PTPRO: variants seen among roughly 807,000 people sequenced by gnomAD.
The protein encoded by PTPRO is receptor-type tyrosine-protein phosphatase O.
A neutral mutation model predicts 145.2 loss-of-function variants in PTPRO; 62 were observed. The ratio of observed to expected loss-of-function variants is 0.43; its 90% CI spans 0.35 to 0.53. The LOEUF (loss-of-function observed/expected upper bound fraction) is 0.53. PTPRO is among the 20% of genes least tolerant of loss of function. The probability of loss-of-function intolerance (pLI) is 0.01; values close to 1 mark genes in which losing one functional copy is unlikely to be tolerated. For synonymous variants in PTPRO, 565 were observed against 514.7 expected, an observed-to-expected ratio of 1.10 and a Z score of -1.32; for missense variants, 1,345 against 1,482.7, an observed-to-expected ratio of 0.91 and a Z score of 1.53.
intron 11 of PTPRO, among the ~76,000 whole-genome samples, chr12:15,525,205 T>C (rs1942812594): frequency 6.6e-6 from 1 of 152,216 alleles, no homozygotes; most frequent in Non-Finnish European, 1.5e-5. Flanking sequence ...TTTAGAATTA[T>C]GATTTGAGCT....
At chr12:15,367,234 A>G (rs767366909) in intron 1 of PTPRO, among the ~76,000 whole-genome samples, 1 of 152,236 alleles carries the variant, frequency 6.6e-6, no homozygotes, top group Non-Finnish European at 1.5e-5. Flanking sequence ...GCAAGAATCA[A>G]ATAGCAGTGC....
intron 9 of PTPRO, 81 bp from the exon 10 acceptor site, chr12:15,520,119 AT>A: frequency 1.1e-6 from 1 of 892,146 alleles, no homozygotes; most frequent in Non-Finnish European, 1.9e-6. Flanking sequence ...TTACTTATTA[AT>A]TTTTTATGAA....
chr12:15,342,580 C>T (rs1260855985), intron 1 of PTPRO, among the ~76,000 whole-genome samples: 1 of 152,062 alleles, frequency 6.6e-6, no homozygotes, highest in Non-Finnish European at 1.5e-5. Context: ...CAGTACACAC[C>T]CAATATCAGC....
At chr12:15,439,538 C>T (rs532674255) in intron 1 of PTPRO, 52 of 247,532 alleles carry the variant, frequency 2.1e-4, no homozygotes, top group African/African-American at 8.0e-4. Flanking sequence ...TAGCAGATGA[C>T]GCTGGTGGAG....
intron 15 of PTPRO, among the ~76,000 whole-genome samples, chr12:15,555,334 C>A (rs918021578): frequency 1.3e-5 from 2 of 152,050 alleles, no homozygotes; most frequent in South Asian, 4.1e-4. Context: ...GAAGGCCCTG[C>A]ATTAATCACT....
chr12:15,514,345 A>G (rs548322933), intron 7 of PTPRO, among the ~76,000 whole-genome samples: 193 of 151,342 alleles, frequency 1.3e-3, no homozygotes, highest in Non-Finnish European at 1.8e-3. Flanking sequence ...CCAGCTACTC[A>G]GGAGCCTGAG....
At chr12:15,457,991 T>G (rs566753397) in intron 1 of PTPRO, among the ~76,000 whole-genome samples, 4 of 152,332 alleles carry the variant, frequency 2.6e-5, no homozygotes, top group African/African-American at 9.6e-5. Context: ...TTTCACATCA[T>G]TTTGTTTCAA....
chr12:15,480,444 C>T (rs918128907), intron 1 of PTPRO, among the ~76,000 whole-genome samples: 1 of 152,154 alleles, frequency 6.6e-6, no homozygotes, highest in Admixed American at 6.5e-5. Flanking sequence ...CACATGCTTT[C>T]TCGTGGGTGG....
At chr12:15,482,662 A>C (rs931176158) in intron 1 of PTPRO, among the ~76,000 whole-genome samples, 1 of 152,186 alleles carries the variant, frequency 6.6e-6, no homozygotes, top group Non-Finnish European at 1.5e-5. Context: ...GTTATGTGTC[A>C]ATTAAAAATA....
chr12:15,525,248 A>G (rs1942813561), intron 11 of PTPRO, among the ~76,000 whole-genome samples: 1 of 152,244 alleles, frequency 6.6e-6, no homozygotes, highest in Non-Finnish European at 1.5e-5. Flanking sequence ...TTTCAAGAAA[A>G]CTACAATTAA....
intron 1 of PTPRO, among the ~76,000 whole-genome samples, chr12:15,381,223 A>G (rs148783916): frequency 6.6e-6 from 1 of 152,256 alleles, no homozygotes; most frequent in African/African-American, 2.4e-5. Flanking sequence ...TACATCGCAA[A>G]GTTTATTCTT....
Position 15,509,394 on chromosome 12 carries a change from A to C in PTPRO, c.1464+627A>C, listed in dbSNP as rs575322403. ...TTGCTGAAAAAAAAAAAAAACTTAA[A>C]AATGTAAAGAATATAAAGTAGGCTG... On this transcript the variant is annotated intron_variant, in intron 7 of 26. Coordinates refer to ENST00000281171, the MANE Select transcript of PTPRO (RefSeq NM_030667.3). Among the ~76,000 whole-genome samples the C allele has an allele frequency of 2.4e-3, 372 of 152,036 alleles. 2 individuals carry two copies. The highest frequency in any genetic ancestry group is 8.7e-3 in the African/African-American group (363 of 41,508).
chr12:15,375,246 G>T (rs1218958764), intron 1 of PTPRO, among the ~76,000 whole-genome samples: 2 of 152,126 alleles, frequency 1.3e-5, no homozygotes, highest in Non-Finnish European at 2.9e-5. Flanking sequence ...TTTATGATTT[G>T]CAATGTCCAA....
chr12:15,357,903 T>A (rs1591736885), intron 1 of PTPRO, among the ~76,000 whole-genome samples: 1 of 150,558 alleles, frequency 6.6e-6, no homozygotes, highest in East Asian at 2.0e-4. Flanking sequence ...CCCAAAGGAC[T>A]ATAAATCATG....
intron 1 of PTPRO, among the ~76,000 whole-genome samples, chr12:15,351,951 C>G (rs761017306): frequency 1.3e-5 from 2 of 152,252 alleles, no homozygotes; most frequent in East Asian, 3.9e-4. Flanking sequence ...TGTGGATGCT[C>G]TTCACACCAA....
chr12:15,471,826 C>G (rs1941549007), intron 1 of PTPRO, among the ~76,000 whole-genome samples: 2 of 152,148 alleles, frequency 1.3e-5, no homozygotes, highest in Admixed American at 6.6e-5. Context: ...CCTTTGAGAT[C>G]AACAGCCAAA....
At chr12:15,463,377 TC>T (rs1384076714) in intron 1 of PTPRO, among the ~76,000 whole-genome samples, 1 of 152,166 alleles carries the variant, frequency 6.6e-6, no homozygotes, top group Non-Finnish European at 1.5e-5. Context: ...CTCTATTAGT[TC>T]CCATAGCAAC....
At chr12:15,359,500 T>C (rs1490024133) in intron 1 of PTPRO, among the ~76,000 whole-genome samples, 5 of 146,812 alleles carry the variant, frequency 3.4e-5, no homozygotes, top group African/African-American at 1.0e-4. Context: ...TCTCCTGGGA[T>C]CAAGTGATTC....
chr12:15,420,009 C>T (rs1258843059), intron 1 of PTPRO, among the ~76,000 whole-genome samples: 1 of 151,190 alleles, frequency 6.6e-6, no homozygotes, highest in African/African-American at 2.5e-5. Flanking sequence ...TAGCTGGGCG[C>T]GGTGGCGGGC....
Sources: gnomAD v4.1 joint callset for allele counts (sites outside exome capture counted in the v4.1 genomes callset) on GRCh38, gnomAD v4.1.1 for gene constraint, MANE v1.5 for transcripts, NCBI Gene and HGNC (gene_info 2026-07-23, HGNC 2026-07-21) for gene names.